The following COL4A1 variants were observed in gnomAD, a reference collection of about 807,000 sequenced individuals.
COL4A1 encodes collagen type IV alpha 1 chain.
A neutral mutation model predicts 216.6 loss-of-function variants in COL4A1; 40 were observed. The observed-to-expected ratio is 0.18, with a 90% confidence interval of 0.14 to 0.24. The LOEUF (loss-of-function observed/expected upper bound fraction) is 0.24, where lower values mean the gene tolerates loss of function less well. Among genes scored for constraint, COL4A1 ranks in the 10% least tolerant of loss-of-function variants. The probability of loss-of-function intolerance (pLI) is 1.00; values close to 1 mark genes in which losing one functional copy is unlikely to be tolerated. For synonymous variants in COL4A1, 839 were observed against 810.7 expected, an observed-to-expected ratio of 1.03 and a Z score of -0.59; for missense variants, 1,628 against 2,196.8, an observed-to-expected ratio of 0.74 and a Z score of 5.18.
At position 110,213,692 on chromosome 13, in the gene COL4A1, C is replaced by T. The variant is rs960172970; in HGVS notation, c.279+90G>A. On this transcript the variant is annotated intron_variant, in intron 4 of 51. Coordinates refer to ENST00000375820, the MANE Select transcript of COL4A1 (RefSeq NM_001845.6). Reference sequence around the variant, plus strand: ...TGGGAGAGGAGATGGAGGACGAGGGCAAGGAGAAAGGAGGGAAAAGGTGCC... The same window carrying T: ...TGGGAGAGGAGATGGAGGACGAGGGTAAGGAGAAAGGAGGGAAAAGGTGCC... 1.7e-5 allele frequency: 23 copies of T among 1,328,132 alleles called. No individual in the cohort carries two copies. In the African/African-American group the frequency reaches 2.9e-4, roughly 17 times the overall value. 82.3% of individuals were successfully genotyped at this position (1,328,132 alleles called of 1,614,324 possible).
intron 1 of COL4A1, among the ~76,000 whole-genome samples, chr13:110,293,770 A>G (rs1430414622): frequency 6.6e-6 from 1 of 152,222 alleles, no homozygotes; most frequent in Non-Finnish European, 1.5e-5. Flanking sequence ...AGCTTTTCAC[A>G]TTATACCCTT....
intron 1 of COL4A1, among the ~76,000 whole-genome samples, chr13:110,284,426 A>G (rs1227150599): frequency 6.6e-6 from 1 of 152,192 alleles, no homozygotes; most frequent in Non-Finnish European, 1.5e-5. Context: ...TGGAAGCTGC[A>G]GAGGTCTTTT....
At chr13:110,160,881 G>C (rs1877050600) in intron 49 of COL4A1, 1 of 379,370 alleles carries the variant, frequency 2.6e-6, no homozygotes, top group Admixed American at 3.9e-5. Flanking sequence ...GCTAACTTTT[G>C]TATTTTTTGT....
chr13:110,189,582 A>G (rs1311681526), intron 24 of COL4A1, among the ~76,000 whole-genome samples: 1 of 152,218 alleles, frequency 6.6e-6, no homozygotes, highest in Non-Finnish European at 1.5e-5. Context: ...TCTGGGTCCC[A>G]GGAAAGGCAA....
intron 45 of COL4A1, among the ~76,000 whole-genome samples, chr13:110,165,807 C>T (rs1000266340): frequency 1.3e-5 from 2 of 152,154 alleles, no homozygotes; most frequent in Non-Finnish European, 2.9e-5. Flanking sequence ...AGGCTCCCAC[C>T]GGTGGAGAAG....
chr13:110,208,910 C>A lies in COL4A1; in HGVS notation c.652-20G>T. The A allele has an allele frequency of 6.2e-7, 1 of 1,613,256 alleles. No homozygotes were observed. On this transcript the variant is annotated intron_variant, in intron 11 of 51. Transcript: ENST00000375820. Reference sequence around the variant, plus strand: ...TTGTCCCTGTGGATTAAAAATTAGGCTCTCATTATTAGATTTGTCTACTTC... The same window carrying A: ...TTGTCCCTGTGGATTAAAAATTAGGATCTCATTATTAGATTTGTCTACTTC...
chr13:110,271,655 G>A (rs1187310347), intron 1 of COL4A1, among the ~76,000 whole-genome samples: 1 of 152,172 alleles, frequency 6.6e-6, no homozygotes, highest in Non-Finnish European at 1.5e-5. Flanking sequence ...GATTAGAGGT[G>A]ACCAGGGCGA....
intron 1 of COL4A1, among the ~76,000 whole-genome samples, chr13:110,281,068 CT>C (rs1245225262): frequency 6.6e-6 from 1 of 152,190 alleles, no homozygotes; most frequent in Non-Finnish European, 1.5e-5. Flanking sequence ...CAGCTCTAAA[CT>C]TTTTCAGAAA....
chr13:110,155,265 G>T lies in COL4A1; in HGVS notation c.4755+18C>A. On this transcript the variant is annotated intron_variant, in intron 50 of 51. Transcript: ENST00000375820. ...TGGGGCTCTTCCCGGGAAATATGGC[G>T]TCTCCCCAGACACTTACCATCACAA... 1 of 1,583,502 alleles carries T rather than the reference G, an allele frequency of 6.3e-7. No homozygotes were observed. The highest frequency in any genetic ancestry group is 8.7e-7 in the Non-Finnish European group (1 of 1,151,964).
chr13:110,279,557 G>A (rs1883547583), intron 1 of COL4A1, among the ~76,000 whole-genome samples: 1 of 152,124 alleles, frequency 6.6e-6, no homozygotes, highest in South Asian at 2.1e-4. Context: ...GGGGGCTGGA[G>A]GACCACACAC....
intron 21 of COL4A1, among the ~76,000 whole-genome samples, chr13:110,198,181 T>C (rs1878995428): frequency 6.6e-6 from 1 of 151,824 alleles, no homozygotes; most frequent in Non-Finnish European, 1.5e-5. Context: ...AAAAATTACA[T>C]AACTCAACAG....
At chr13:110,160,999 G>A (rs1261099106) in intron 49 of COL4A1, 193 bp downstream of exon 49, 3 of 686,824 alleles carry the variant, frequency 4.4e-6, no homozygotes, top group Non-Finnish European at 7.4e-6. Context: ...ATGAGCCACT[G>A]TGCCCAGCCA....
At chr13:110,174,814 T>C (rs562976827) in intron 37 of COL4A1, 65 bp from the exon 38 acceptor site, 4 of 1,423,150 alleles carry the variant, frequency 2.8e-6, no homozygotes, top group South Asian at 2.3e-5. Context: ...GTAGGCATGT[T>C]ATAGATAATG....
At chr13:110,206,967 C>CAT in intron 13 of COL4A1, 76 bp from the exon 14 acceptor site, 3 of 1,355,086 alleles carry the variant, frequency 2.2e-6, no homozygotes, top group Non-Finnish European at 3.1e-6. Context: ...AAACACACAG[C>CAT]AGAAAAAAAA....
intron 1 of COL4A1, among the ~76,000 whole-genome samples, chr13:110,278,136 A>C (rs545965502): frequency 1.7e-4 from 26 of 152,368 alleles, no homozygotes; most frequent in African/African-American, 6.0e-4. Context: ...CAATAGAGCC[A>C]CTTAGAATTG....
At chr13:110,195,273 C>G (rs914693171) in intron 21 of COL4A1, among the ~76,000 whole-genome samples, 155 bp from the exon 22 acceptor site, 4 of 152,276 alleles carry the variant, frequency 2.6e-5, no homozygotes, top group South Asian at 4.1e-4. Context: ...GGCTATCCAC[C>G]ACTTGCAAAA....
At chr13:110,192,045 T>C (rs2139178923) in intron 24 of COL4A1, among the ~76,000 whole-genome samples, 169 bp downstream of exon 24, 1 of 152,338 alleles carries the variant, frequency 6.6e-6, no homozygotes, top group African/African-American at 2.4e-5. Context: ...TTGCTCATTC[T>C]CCTGAGACAA....
chr13:110,215,706 G>A (rs540015129), intron 2 of COL4A1, among the ~76,000 whole-genome samples: 87 of 152,274 alleles, frequency 5.7e-4, no homozygotes, highest in African/African-American at 1.9e-3. Flanking sequence ...AAAACATAAG[G>A]CAGACAGTTT....
intron 1 of COL4A1, among the ~76,000 whole-genome samples, chr13:110,267,151 T>G (rs1392092195): frequency 1.3e-5 from 2 of 152,142 alleles, no homozygotes; most frequent in African/African-American, 4.8e-5. Flanking sequence ...ATGAGCCCAC[T>G]GGAGAAAGGA....
Sources: allele counts gnomAD v4.1 joint callset (sites outside exome capture counted in the v4.1 genomes callset), GRCh38; gene constraint gnomAD v4.1.1; transcripts MANE v1.5; gene names NCBI Gene and HGNC (gene_info 2026-07-23, HGNC 2026-07-21).